The following C1orf141 variants were observed in gnomAD, a reference collection of about 807,000 sequenced individuals.
C1orf141 encodes the protein chromosome 1 open reading frame 141.
C1orf141 carries 19 observed loss-of-function variants against 23.2 expected under a neutral mutation model. The observed-to-expected ratio is 0.82, with a 90% CI of 0.57 to 1.20. The LOEUF (loss-of-function observed/expected upper bound fraction) is 1.20. Among genes scored for constraint, C1orf141 ranks in the 50% most tolerant of loss-of-function variants. The probability of loss-of-function intolerance (pLI) is 0.00; values close to 1 mark genes in which losing one functional copy is unlikely to be tolerated. For missense variants in C1orf141, 469 were observed against 455.1 expected, an observed-to-expected ratio of 1.03 and a Z score of -0.28; for synonymous variants, 153 against 154.6, an observed-to-expected ratio of 0.99 and a Z score of 0.08.
intron 5 of C1orf141, among the ~76,000 whole-genome samples, chr1:67,109,771 A>T (rs1235885570): frequency 1.3e-5 from 2 of 152,194 alleles, no homozygotes; most frequent in Non-Finnish European, 2.9e-5. Flanking sequence ...CTTGAGGCAC[A>T]TATGCAATTA....
intron 5 of C1orf141, among the ~76,000 whole-genome samples, chr1:67,099,100 C>A (rs1240127769): frequency 6.6e-6 from 1 of 152,068 alleles, no homozygotes; most frequent in African/African-American, 2.4e-5. Flanking sequence ...ATAATTCTAA[C>A]TGATAGAAGT....
intron 5 of C1orf141, among the ~76,000 whole-genome samples, chr1:67,107,748 G>T (rs145201703): frequency 1.3e-5 from 2 of 152,118 alleles, no homozygotes; most frequent in East Asian, 1.9e-4. Flanking sequence ...CAATTAGCCG[G>T]GCGTGGTGGC....
chr1:67,105,646 GAC>G (rs1645909141), intron 5 of C1orf141, among the ~76,000 whole-genome samples: 1 of 151,636 alleles, frequency 6.6e-6, no homozygotes, highest in African/African-American at 2.4e-5. Flanking sequence ...CACACACACA[GAC>G]ACACACACAG....
chr1:67,129,850 T>G (rs1646486021), intron 2 of C1orf141, among the ~76,000 whole-genome samples: 1 of 152,208 alleles, frequency 6.6e-6, no homozygotes, highest in Non-Finnish European at 1.5e-5. Flanking sequence ...AGTGCCAATT[T>G]GTAACATTTC....
rs1156680443 is a variant in C1orf141, at chr1:67,128,306, T to C, written c.-17-1049A>G. Reference sequence around the variant, plus strand: ...ACCCTATTAGTGTAATAGAAATAGCTAGGGCAGAGTGGAGGCAAGAATCCA... The same window carrying C: ...ACCCTATTAGTGTAATAGAAATAGCCAGGGCAGAGTGGAGGCAAGAATCCA... On this transcript the variant is annotated intron_variant, in intron 2 of 7. Coordinates refer to ENST00000684719, the MANE Select transcript of C1orf141 (RefSeq NM_001276351.2). Among the ~76,000 whole-genome samples, 4 of 152,212 alleles carry C rather than the reference T, an allele frequency of 2.6e-5. No individual in the cohort carries two copies. The East Asian group carries it at 7.7e-4, about 29-fold the overall frequency.
intron 2 of C1orf141, among the ~76,000 whole-genome samples, chr1:67,128,208 G>A (rs1446453788): frequency 6.6e-6 from 1 of 151,814 alleles, no homozygotes; most frequent in Non-Finnish European, 1.5e-5. Context: ...TTAAGCTTAG[G>A]GAGCTGTATG....
chr1:67,117,181 GAGA>G (rs1229836190), intron 4 of C1orf141, among the ~76,000 whole-genome samples: 1 of 152,154 alleles, frequency 6.6e-6, no homozygotes, highest in Non-Finnish European at 1.5e-5. Flanking sequence ...CCAACACTTT[GAGA>G]GGCTGAGGGG....
intron 5 of C1orf141, among the ~76,000 whole-genome samples, chr1:67,104,096 A>G (rs1341728134): frequency 2.6e-5 from 4 of 152,172 alleles, no homozygotes; most frequent in African/African-American, 9.6e-5. Context: ...TCACATTTTT[A>G]TGGTATAGAT....
intron 4 of C1orf141, among the ~76,000 whole-genome samples, chr1:67,116,002 G>C (rs192662743): frequency 6.6e-6 from 1 of 152,252 alleles, no homozygotes; most frequent in East Asian, 1.9e-4. Flanking sequence ...TCAGACCTCA[G>C]ATACTCACCC....
intron 5 of C1orf141, among the ~76,000 whole-genome samples, chr1:67,106,744 CAT>C (rs1216240608): frequency 6.6e-6 from 1 of 152,040 alleles, no homozygotes; most frequent in African/African-American, 2.4e-5. Flanking sequence ...AAAGGAAAAA[CAT>C]AGGGAATCTT....
At chr1:67,118,006 A>T (rs1260900300) in intron 4 of C1orf141, among the ~76,000 whole-genome samples, 1 of 152,200 alleles carries the variant, frequency 6.6e-6, no homozygotes. Flanking sequence ...TTAGAAAGTG[A>T]TCAACAAAAT....
intron 5 of C1orf141, among the ~76,000 whole-genome samples, chr1:67,105,952 T>A: frequency 6.6e-6 from 1 of 152,176 alleles, no homozygotes; most frequent in South Asian, 2.1e-4. Flanking sequence ...GAGCCAAAGA[T>A]GGCAGCTCCA....
At chr1:67,106,992 C>T (rs1480650240) in intron 5 of C1orf141, among the ~76,000 whole-genome samples, 2 of 152,202 alleles carry the variant, frequency 1.3e-5, no homozygotes, top group East Asian at 3.8e-4. Context: ...CTCTTGTCCC[C>T]TTTACTTTCT....
At chr1:67,102,721 C>T (rs1645832830) in intron 5 of C1orf141, 1 of 151,946 alleles carries the variant, frequency 6.6e-6, no homozygotes, top group African/African-American at 2.4e-5. Flanking sequence ...TTTCTTGCAT[C>T]TGTAGTGGAA....
At chr1:67,123,569 A>C (rs562857565) in intron 4 of C1orf141, 1 of 152,342 alleles carries the variant, frequency 6.6e-6, no homozygotes, top group South Asian at 2.1e-4. Flanking sequence ...GATAGATAAA[A>C]TGGATATAAA....
In C1orf141 at chr1:67,130,799, A is replaced by T. The variant is rs139875856; in HGVS notation, c.-18+343T>A. Reference sequence around the variant, plus strand: ...GAAATTGACTGAATGTTAGTTTTGTAGTATTAATTTCATATTTTGAAACTA... The same window carrying T: ...GAAATTGACTGAATGTTAGTTTTGTTGTATTAATTTCATATTTTGAAACTA... On this transcript the variant is annotated intron_variant, in intron 2 of 7. Coordinates refer to ENST00000684719, the MANE Select transcript of C1orf141 (RefSeq NM_001276351.2). Among the ~76,000 whole-genome samples the T allele has an allele frequency of 3.8e-3, 586 of 152,356 alleles. 4 individuals carry two copies. Among genetic ancestry groups the T allele is most frequent in the African/African-American group, 0.014 (564 of 41,594 alleles).
chr1:67,126,798 AG>A, intron 3 of C1orf141, among the ~76,000 whole-genome samples: 1 of 152,344 alleles, frequency 6.6e-6, no homozygotes, highest in Middle Eastern at 3.4e-3. Flanking sequence ...TAAAGTTAAG[AG>A]AAAGATCGCA....
upstream of C1orf141, among the ~76,000 whole-genome samples, chr1:67,138,431 A>G (rs987105295): frequency 6.6e-6 from 1 of 152,174 alleles, no homozygotes; most frequent in Non-Finnish European, 1.5e-5. Flanking sequence ...GGCTCTTTGA[A>G]ACATTCCCTT....
At chr1:67,098,395 C>T (rs1453257064) in intron 5 of C1orf141, among the ~76,000 whole-genome samples, 1 of 152,068 alleles carries the variant, frequency 6.6e-6, no homozygotes, top group East Asian at 1.9e-4. Flanking sequence ...GTGGCGAACG[C>T]CTTATAGTCT....
Sources: allele counts gnomAD v4.1 joint callset (sites outside exome capture counted in the v4.1 genomes callset), GRCh38; gene constraint gnomAD v4.1.1; transcripts MANE v1.5; gene names NCBI Gene and HGNC (gene_info 2026-07-23, HGNC 2026-07-21).